Variants in GSPT1 observed in about 807,000 individuals in gnomAD.
GSPT1 encodes G1 to S phase transition 1, also known as eukaryotic peptide chain release factor GTP-binding subunit ERF3A.
GSPT1 carries 20 observed loss-of-function variants against 72.5 expected under a neutral mutation model. The ratio of observed to expected loss-of-function variants is 0.28; its 90% CI spans 0.19 to 0.40. The LOEUF (loss-of-function observed/expected upper bound fraction) is 0.40, where lower values mean the gene tolerates loss of function less well. Among genes scored for constraint, GSPT1 ranks in the 10% least tolerant of loss-of-function variants. The pLI is 1.00. For synonymous variants in GSPT1, 334 were observed against 293.5 expected, an observed-to-expected ratio of 1.14 and a Z score of -1.41; for missense variants, 580 against 811.9, an observed-to-expected ratio of 0.71 and a Z score of 3.47.
At chr16:11,912,479 G>C (rs1391435670) in intron 1 of GSPT1, among the ~76,000 whole-genome samples, 1 of 152,052 alleles carries the variant, frequency 6.6e-6, no homozygotes, top group African/African-American at 2.4e-5. Flanking sequence ...AAGTTTTGGA[G>C]ACAGTGCCTC....
intron 3 of GSPT1, among the ~76,000 whole-genome samples, chr16:11,897,175 G>A (rs926979915): frequency 4.6e-5 from 7 of 152,178 alleles, no homozygotes; most frequent in African/African-American, 1.7e-4. Flanking sequence ...AAGGATTTAG[G>A]AAATATTTTC....
chr16:11,882,715 G>A (rs986807296), intron 11 of GSPT1: 3 of 237,392 alleles, frequency 1.3e-5, no homozygotes, highest in Non-Finnish European at 2.5e-5. Flanking sequence ...AGCACTTTGG[G>A]AGGCCAAGAT....
intron 1 of GSPT1, chr16:11,904,118 G>T: frequency 4.3e-6 from 1 of 230,062 alleles, no homozygotes; most frequent in South Asian, 8.0e-5. Flanking sequence ...CTGAGGTTTT[G>T]GCAACACTTC....
chr16:11,897,527 G>C (rs760521866), intron 3 of GSPT1, among the ~76,000 whole-genome samples: 33 of 152,164 alleles, frequency 2.2e-4, no homozygotes, highest in Non-Finnish European at 3.7e-4. Context: ...GGAGGTTGCA[G>C]TGACCCAAGA....
intron 10 of GSPT1, 113 bp downstream of exon 10, chr16:11,885,067 CA>C (rs34407036): frequency 0.37 from 195,376 of 528,900 alleles, 32,985 homozygotes; most frequent in East Asian, 0.59. Context: ...AAGATTCTGT[CA>C]AAAAAAAAAC....
chr16:11,914,382 C>T (rs2054599505), intron 1 of GSPT1, among the ~76,000 whole-genome samples: 1 of 152,172 alleles, frequency 6.6e-6, no homozygotes, highest in Admixed American at 6.5e-5. Flanking sequence ...AAGCATGCTA[C>T]CTACGACTTA....
intron 1 of GSPT1, among the ~76,000 whole-genome samples, chr16:11,901,453 T>A (rs2054404876): frequency 6.6e-6 from 1 of 152,182 alleles, no homozygotes; most frequent in Non-Finnish European, 1.5e-5. Context: ...ATCTCTATGT[T>A]TAGAAACACA....
At chr16:11,902,466 T>A (rs2054423827) in intron 1 of GSPT1, among the ~76,000 whole-genome samples, 1 of 150,264 alleles carries the variant, frequency 6.7e-6, no homozygotes, top group Admixed American at 6.6e-5. Context: ...AAAGGAAGAT[T>A]AATGACTTGA....
intron 3 of GSPT1, 45 bp from the exon 4 acceptor site, chr16:11,896,830 A>C: frequency 8.1e-7 from 1 of 1,233,786 alleles, no homozygotes; most frequent in Non-Finnish European, 1.2e-6. Context: ...AAGACTTACA[A>C]TCTATACTTT....
chr16:11,889,989 C>G (rs928584879), intron 6 of GSPT1, among the ~76,000 whole-genome samples: 2 of 143,344 alleles, frequency 1.4e-5, no homozygotes, highest in Non-Finnish European at 3.0e-5. Context: ...GACATGGTGT[C>G]TCACTCTGTT....
At chr16:11,873,223 T>A in intron 14 of GSPT1, 52 bp from the exon 15 acceptor site, 1 of 865,406 alleles carries the variant, frequency 1.2e-6, no homozygotes, top group Non-Finnish European at 1.9e-6. Context: ...CAAGTCTATA[T>A]AAGATATTAA....
intron 1 of GSPT1, 72 bp from the exon 2 acceptor site, chr16:11,898,107 G>A: frequency 4.2e-6 from 4 of 956,004 alleles, no homozygotes; most frequent in Non-Finnish European, 4.9e-6. Context: ...TTAATATGCA[G>A]TAAAAACAGA....
intron 1 of GSPT1, among the ~76,000 whole-genome samples, chr16:11,910,957 C>T (rs2054549800): frequency 6.6e-6 from 1 of 152,138 alleles, no homozygotes; most frequent in Non-Finnish European, 1.5e-5. Flanking sequence ...CGTGTAAAAC[C>T]ATGAAACAAG....
chr16:11,897,316 G>T (rs999469914), intron 3 of GSPT1, among the ~76,000 whole-genome samples: 2 of 152,154 alleles, frequency 1.3e-5, no homozygotes, highest in African/African-American at 4.8e-5. Context: ...GCCGAGCATG[G>T]TGGCTCACAC....
chr16:11,909,059 G>C (rs1369581652), intron 1 of GSPT1: 3 of 149,514 alleles, frequency 2.0e-5, no homozygotes, highest in Non-Finnish European at 4.4e-5. Flanking sequence ...TATTCAACCA[G>C]GAAATTACCC....
Position 11,915,673 on chromosome 16 carries a change from CCCGCCGCCGCCG to C in GSPT1, c.36_47del (p.Gly13_Gly16del), listed in dbSNP as rs3031121. 5.7e-4 allele frequency: 840 copies of C among 1,470,242 alleles called. 2 individuals carry two copies. Among genetic ancestry groups the C allele is most frequent in the Non-Finnish European group, 6.7e-4 (747 of 1,114,980 alleles). 91.1% of individuals were successfully genotyped at this position (1,470,242 alleles called of 1,614,324 possible). A position where few individuals can be genotyped will look rare whatever the true frequency, so the allele number is the denominator to read the frequency against. On this transcript the variant is annotated inframe_deletion, in exon 1 of 15. Transcript: ENST00000434724. The stretch of plus-strand genomic sequence containing the variant: ...CGCTGCTGCTGCTGCCGCTGCTGCT[CCCGCCGCCGCCG>C]CCGCCGCCGCCGCCGCCGCCACTGC...
chr16:11,887,808 A>G lies in GSPT1; in HGVS notation c.777-58T>C, dbSNP rs116294043. 1.8e-3 allele frequency: 1,976 copies of G among 1,109,848 alleles called. 23 individuals are homozygous for G. In the African/African-American group the frequency reaches 0.027, roughly 15 times the overall value. The allele number at this position is 1,109,848 out of a possible 1,614,324, so 68.8% of individuals were successfully genotyped here. On this transcript the variant is annotated intron_variant, in intron 6 of 14. Coordinates refer to ENST00000434724, the MANE Select transcript of GSPT1 (RefSeq NM_002094.4). Reference sequence around the variant, plus strand: ...CTAAGAACATCAGAGTTTTTAGGATATTCTTCACCATTAAAGATATAATGG... The same window carrying G: ...CTAAGAACATCAGAGTTTTTAGGATGTTCTTCACCATTAAAGATATAATGG...
rs762480939 is a variant in GSPT1 at position 11,897,918 on chromosome 16, A to G, written c.395-37T>C. Reference sequence around the variant, plus strand: ...ATTGAAATATAATATATATTTACCAAACAGTATCTAGCTTTACACACCATA... The same window carrying G: ...ATTGAAATATAATATATATTTACCAGACAGTATCTAGCTTTACACACCATA... On this transcript the variant is annotated intron_variant, in intron 2 of 14. Transcript: ENST00000434724. 3.4e-6 allele frequency: 5 copies of G among 1,457,226 alleles called. No individual in the cohort carries two copies. In the Admixed American group the frequency reaches 5.9e-5, roughly 17 times the overall value. The allele number at this position is 1,457,226 out of a possible 1,614,324, so 90.3% of individuals were successfully genotyped here. A position where few individuals can be genotyped will look rare whatever the true frequency, so the allele number is the denominator to read the frequency against.
At chr16:11,891,236 GAA>G (rs2054254513) in intron 5 of GSPT1, 97 bp from the exon 6 acceptor site, 1 of 557,244 alleles carries the variant, frequency 1.8e-6, no homozygotes, top group East Asian at 3.4e-5. Context: ...TTCAACGTCA[GAA>G]AATAGTTATT....
Sources: gnomAD v4.1 joint callset for allele counts (sites outside exome capture counted in the v4.1 genomes callset) on GRCh38, gnomAD v4.1.1 for gene constraint, MANE v1.5 for transcripts, NCBI Gene and HGNC (gene_info 2026-07-23, HGNC 2026-07-21) for gene names.